UVRAG: variants seen among roughly 807,000 people sequenced by gnomAD.
UVRAG encodes UV radiation resistance associated.
A neutral mutation model predicts 78.0 loss-of-function variants in UVRAG; 19 were observed. The observed-to-expected ratio is 0.24, with a 90% confidence interval of 0.17 to 0.36. UVRAG has a LOEUF of 0.36. Ranked by LOEUF, UVRAG falls within the 10% of genes least tolerant of loss-of-function variation. UVRAG has a pLI of 1.00. For synonymous variants in UVRAG, 323 were observed against 324.6 expected (o/e 1.00, Z 0.05); for missense variants, 740 against 853.8 (o/e 0.87, Z 1.66).
intron 14 of UVRAG, among the ~76,000 whole-genome samples, chr11:76,116,280 A>G (rs531840027): frequency 2.0e-5 from 3 of 152,344 alleles, no homozygotes; most frequent in Admixed American, 6.5e-5. Flanking sequence ...CCTTGAGGGC[A>G]TTGCTGAGAC....
At position 75,861,400 on chromosome 11, in the gene UVRAG, CAG is replaced by C. The variant is rs970138977; in HGVS notation, c.236-343_236-342del. On this transcript the variant is annotated intron_variant, in intron 2 of 14. Transcript: ENST00000356136. ...AATCATTCGAGATGTTTGAGAAAAACAGAGCGGATGGAGTCAGTTGTGAGGGT... is the reference window on the plus strand; with the variant it reads ...AATCATTCGAGATGTTTGAGAAAAACAGCGGATGGAGTCAGTTGTGAGGGT... Among the ~76,000 whole-genome samples, 51 of 152,122 alleles carry C rather than the reference CAG, an allele frequency of 3.4e-4. 1 individual carries two copies. Among genetic ancestry groups the C allele is most frequent in the African/African-American group, 1.2e-3 (50 of 41,418 alleles).
intron 6 of UVRAG, among the ~76,000 whole-genome samples, chr11:75,922,193 T>C (rs999517511): frequency 5.9e-5 from 9 of 152,142 alleles, no homozygotes; most frequent in African/African-American, 2.2e-4. Flanking sequence ...TGGTGTCTTT[T>C]CATTTGTTTA....
intron 13 of UVRAG, among the ~76,000 whole-genome samples, chr11:76,095,034 G>A (rs1375725248): frequency 6.6e-6 from 1 of 152,146 alleles, no homozygotes; most frequent in African/African-American, 2.4e-5. Context: ...GTATGCGTAT[G>A]TTCACTTAAT....
rs374946029 is a variant in UVRAG, at chr11:76,069,298, G to T, written c.1305+3510G>T. On this transcript the variant is annotated intron_variant, in intron 13 of 14. Transcript: ENST00000356136. ...CTTCATGTCACTGCTGTCTAAAGGT[G>T]TGTGTGTGTGCTGGATTAAGTACTG... is the stretch of plus-strand genomic sequence containing the variant. Among the ~76,000 whole-genome samples, 7 of 152,274 alleles carry T rather than the reference G, an allele frequency of 4.6e-5. No individual in the cohort carries two copies. In the East Asian group the frequency reaches 1.4e-3, roughly 29 times the overall value.
At chr11:76,065,927 T>C in intron 13 of UVRAG, 139 bp downstream of exon 13, 1 of 646,080 alleles carries the variant, frequency 1.5e-6, no homozygotes, top group South Asian at 3.1e-5. Flanking sequence ...CACAGTTCTT[T>C]TTTTTGATCA....
intron 12 of UVRAG, among the ~76,000 whole-genome samples, chr11:76,059,394 T>G (rs1200226961): frequency 6.6e-6 from 1 of 152,226 alleles, no homozygotes; most frequent in Non-Finnish European, 1.5e-5. Flanking sequence ...GACAGTGATA[T>G]GGAGAATGAA....
In UVRAG at chr11:75,815,226, C is replaced by G. The variant is rs1004845275; in HGVS notation, c.-182C>G. 4.5e-6 allele frequency: 2 copies of G among 447,020 alleles called. No individual in the cohort carries two copies. Among genetic ancestry groups the G allele is most frequent in the Admixed American group, 4.3e-5 (1 of 23,296 alleles). 27.7% of individuals were successfully genotyped at this position (447,020 alleles called of 1,614,324 possible). On this transcript the variant is annotated 5_prime_UTR_variant, in exon 1 of 15. Coordinates refer to ENST00000356136, the MANE Select transcript of UVRAG (RefSeq NM_003369.4). ...TTGCACTGCGGTAATATGGCTCTTC[C>G]TTAGCCAGCGGCGGCAACGGCGGCA...
chr11:76,100,445 C>T (rs1461055865), intron 13 of UVRAG, among the ~76,000 whole-genome samples: 4 of 152,092 alleles, frequency 2.6e-5, no homozygotes, highest in Non-Finnish European at 5.9e-5. Flanking sequence ...ACTGGCTTAC[C>T]TCATCTAAAT....
chr11:75,890,744 G>A (rs1284901367), intron 5 of UVRAG, among the ~76,000 whole-genome samples: 1 of 152,096 alleles, frequency 6.6e-6, no homozygotes, highest in Non-Finnish European at 1.5e-5. Context: ...GTGATAAGAT[G>A]GACTAGGAAC....
intron 6 of UVRAG, among the ~76,000 whole-genome samples, chr11:75,936,052 A>G (rs1479278521): frequency 6.6e-6 from 1 of 152,154 alleles, no homozygotes; most frequent in South Asian, 2.1e-4. Context: ...ATGTTTATCA[A>G]TTTTGGTTTG....
chr11:75,882,911 C>G (rs1408056737), intron 4 of UVRAG, among the ~76,000 whole-genome samples: 1 of 152,016 alleles, frequency 6.6e-6, no homozygotes, highest in Non-Finnish European at 1.5e-5. Context: ...TAATTTTTTT[C>G]TCTGTTTTAG....
At chr11:76,123,853 C>T (rs1327885282) in intron 14 of UVRAG, among the ~76,000 whole-genome samples, 2 of 152,224 alleles carry the variant, frequency 1.3e-5, no homozygotes, top group South Asian at 4.1e-4. Flanking sequence ...GCAACCCCCA[C>T]CTCCCAGGTT....
intron 8 of UVRAG, among the ~76,000 whole-genome samples, chr11:75,993,836 G>T (rs1395861148): frequency 6.6e-6 from 1 of 152,148 alleles, no homozygotes. Context: ...CCAGGTGAGA[G>T]CCTCAGGAAG....
rs77008062 is a variant in UVRAG at position 76,071,555 on chromosome 11, A to G, written c.1305+5767A>G. Among the ~76,000 whole-genome samples, 848 of 152,274 alleles carry G rather than the reference A, an allele frequency of 5.6e-3. 6 individuals are homozygous for G. The highest frequency in any genetic ancestry group is 0.019 in the African/African-American group (806 of 41,558). ...GCATGATTTGATATGTTTTTTCCCA[A>G]CGATCATTCTAGCTACTACTTTTTT... On this transcript the variant is annotated intron_variant, in intron 13 of 14. Coordinates refer to ENST00000356136, the MANE Select transcript of UVRAG (RefSeq NM_003369.4).
At chr11:75,831,994 C>G (rs1945669510) in intron 1 of UVRAG, among the ~76,000 whole-genome samples, 1 of 152,188 alleles carries the variant, frequency 6.6e-6, no homozygotes, top group Non-Finnish European at 1.5e-5. Context: ...AGGTGAAAAA[C>G]AGGATGGCTG....
chr11:76,065,314 C>G (rs1951165733), intron 12 of UVRAG, among the ~76,000 whole-genome samples: 1 of 152,186 alleles, frequency 6.6e-6, no homozygotes, highest in Admixed American at 6.5e-5. Flanking sequence ...TCTTTTCCTT[C>G]TTAATCTTCC....
At chr11:76,024,129 T>C (rs1296571754) in intron 12 of UVRAG, among the ~76,000 whole-genome samples, 4 of 152,240 alleles carry the variant, frequency 2.6e-5, no homozygotes, top group Non-Finnish European at 4.4e-5. Flanking sequence ...AAATTTTTCA[T>C]GATAATCAGA....
intron 3 of UVRAG, among the ~76,000 whole-genome samples, chr11:75,865,287 C>CAAAAAAAAA (rs1195072746): frequency 4.6e-4 from 21 of 45,232 alleles, no homozygotes; most frequent in Non-Finnish European, 8.0e-4. Context: ...AACTCCATCT[C>CAAAAAAAAA]AAAAAAAAAA....
chr11:75,993,444 A>C (rs1198289220), intron 8 of UVRAG, among the ~76,000 whole-genome samples: 1 of 152,008 alleles, frequency 6.6e-6, no homozygotes, highest in South Asian at 2.1e-4. Context: ...TAGTGTATAT[A>C]TTTTCATTTC....
Sources: allele counts gnomAD v4.1 joint callset (sites outside exome capture counted in the v4.1 genomes callset), GRCh38; gene constraint gnomAD v4.1.1; transcripts MANE v1.5; gene names NCBI Gene and HGNC (gene_info 2026-07-23, HGNC 2026-07-21).